The following DPH5 variants were observed in gnomAD, a reference collection of about 807,000 sequenced individuals.
DPH5 encodes the protein diphthamide biosynthesis 5.
A neutral mutation model predicts 31.6 loss-of-function variants in DPH5; 31 were observed. The observed-to-expected ratio is 0.98, with a 90% confidence interval of 0.74 to 1.32. The LOEUF (loss-of-function observed/expected upper bound fraction) is 1.32, where lower values mean the gene tolerates loss of function less well. Among genes scored for constraint, DPH5 ranks in the 40% most tolerant of loss-of-function variants. DPH5 has a pLI of 0.00. For synonymous variants in DPH5, 120 were observed against 115.0 expected, an observed-to-expected ratio of 1.04 and a Z score of -0.28; for missense variants, 309 against 335.7, an observed-to-expected ratio of 0.92 and a Z score of 0.62.
intron 2 of DPH5, among the ~76,000 whole-genome samples, chr1:101,024,578 ATC>A (rs1334296722): frequency 2.0e-5 from 3 of 152,230 alleles, no homozygotes; most frequent in Admixed American, 2.0e-4. Flanking sequence ...ATGACAATAA[ATC>A]TGCTCCCTCC....
At chr1:101,009,885 C>G (rs1415934356) in intron 4 of DPH5, among the ~76,000 whole-genome samples, 1 of 152,172 alleles carries the variant, frequency 6.6e-6, no homozygotes, top group African/African-American at 2.4e-5. Flanking sequence ...CTTTAACAAG[C>G]CAAGCTCATT....
At chr1:101,012,481 A>G (rs1476067659) in intron 4 of DPH5, among the ~76,000 whole-genome samples, 2 of 152,240 alleles carry the variant, frequency 1.3e-5, no homozygotes, top group East Asian at 1.9e-4. Context: ...AGCTCCATCT[A>G]CCTACCTGAA....
intron 4 of DPH5, among the ~76,000 whole-genome samples, chr1:101,010,673 T>C (rs1459473455): frequency 6.6e-6 from 1 of 152,214 alleles, no homozygotes; most frequent in Non-Finnish European, 1.5e-5. Context: ...GAAAGCTCTT[T>C]CATGGAGATG....
chr1:100,997,367 CT>C (rs35363129), intron 5 of DPH5, among the ~76,000 whole-genome samples: 14 of 149,146 alleles, frequency 9.4e-5, no homozygotes, highest in African/African-American at 1.7e-4. Context: ...TCCTTCCTAT[CT>C]TTTTTTTTTG....
rs141499602 is a variant in DPH5 at position 101,004,708 on chromosome 1, A to G, written c.370-3121T>C. Among the ~76,000 whole-genome samples, 369 of 152,318 alleles carry G rather than the reference A, an allele frequency of 2.4e-3. 3 individuals carry two copies. The highest frequency in any genetic ancestry group is 3.8e-3 in the Non-Finnish European group (261 of 68,016). ...ATATGCTATAGACTCTAAGCATTAT[A>G]AGGATTCAGCATTTCCCCCACTAAG... On this transcript the variant is annotated intron_variant, in intron 4 of 7. Coordinates refer to ENST00000370109, the MANE Select transcript of DPH5 (RefSeq NM_015958.3).
intron 3 of DPH5, among the ~76,000 whole-genome samples, chr1:101,019,744 C>T (rs1277690284): frequency 1.3e-5 from 2 of 151,096 alleles, no homozygotes; most frequent in African/African-American, 4.9e-5. Flanking sequence ...AACTGCAGTA[C>T]AGTAAATATT....
At chr1:101,020,031 G>C (rs1171622179) in intron 3 of DPH5, among the ~76,000 whole-genome samples, 2 of 152,164 alleles carry the variant, frequency 1.3e-5, no homozygotes, top group Non-Finnish European at 2.9e-5. Context: ...TTAGCATAGC[G>C]GTTAAAGAGT....
chr1:100,993,655 T>C (rs1252112782), intron 6 of DPH5, among the ~76,000 whole-genome samples: 3 of 141,380 alleles, frequency 2.1e-5, no homozygotes, highest in Non-Finnish European at 4.6e-5. Context: ...CTCAAAAAAA[T>C]TCTGTCAGTG....
chr1:101,009,186 A>G (rs1420739739), intron 4 of DPH5, among the ~76,000 whole-genome samples: 1 of 152,244 alleles, frequency 6.6e-6, no homozygotes, highest in African/African-American at 2.4e-5. Flanking sequence ...GGAGTAAGAT[A>G]AACCTAATCA....
At chr1:101,002,916 G>C (rs1295027670) in intron 4 of DPH5, among the ~76,000 whole-genome samples, 1 of 152,050 alleles carries the variant, frequency 6.6e-6, no homozygotes, top group Non-Finnish European at 1.5e-5. Context: ...GCAGCTCAAC[G>C]TTTCTCAGTT....
chr1:101,017,675 GA>G (rs1272312354), intron 3 of DPH5, among the ~76,000 whole-genome samples: 9 of 152,152 alleles, frequency 5.9e-5, no homozygotes, highest in African/African-American at 2.2e-4. Flanking sequence ...TACCAAGTAG[GA>G]AGATAAAGGG....
intron 4 of DPH5, among the ~76,000 whole-genome samples, chr1:101,004,170 C>A (rs1659062072): frequency 6.6e-6 from 1 of 152,188 alleles, no homozygotes; most frequent in Admixed American, 6.5e-5. Flanking sequence ...GATTTATAAA[C>A]TGTAACCACT....
intron 3 of DPH5, among the ~76,000 whole-genome samples, chr1:101,017,311 T>C (rs936428606): frequency 7.2e-5 from 11 of 152,252 alleles, no homozygotes; most frequent in African/African-American, 2.4e-4. Flanking sequence ...TCCTATCTCC[T>C]ATAATATTGG....
intron 4 of DPH5, among the ~76,000 whole-genome samples, chr1:101,006,859 A>C (rs1659266981): frequency 6.6e-6 from 1 of 152,228 alleles, no homozygotes; most frequent in Admixed American, 6.5e-5. Flanking sequence ...ATGCAATAGC[A>C]AGAGAAAGTG....
chr1:100,991,787 T>TAAAAAAAAAAAA (rs1657746510), intron 7 of DPH5, among the ~76,000 whole-genome samples: 1 of 74,568 alleles, frequency 1.3e-5, no homozygotes, highest in African/African-American at 6.3e-5. Context: ...AGACCCCATC[T>TAAAAAAAAAAAA]CAAAAAAAAA....
intron 4 of DPH5, among the ~76,000 whole-genome samples, chr1:101,007,669 C>G (rs1382469631): frequency 1.3e-5 from 2 of 151,396 alleles, no homozygotes; most frequent in Non-Finnish European, 2.9e-5. Context: ...GAGCTGAGAT[C>G]GCGCCATTGC....
intron 4 of DPH5, 24 bp downstream of exon 4, chr1:101,013,686 G>A: frequency 1.4e-6 from 2 of 1,459,756 alleles, no homozygotes; most frequent in African/African-American, 1.4e-5. Flanking sequence ...TAATTCCACT[G>A]AAAAACCTCC....
intron 6 of DPH5, 70 bp from the exon 7 acceptor site, chr1:100,992,810 G>A (rs1657892181): frequency 9.5e-7 from 1 of 1,051,820 alleles, no homozygotes; most frequent in East Asian, 2.4e-5. Context: ...AATGCAATTA[G>A]CTCTCCCAGG....
intron 3 of DPH5, among the ~76,000 whole-genome samples, chr1:101,015,875 CT>C (rs1660038500): frequency 1.3e-5 from 2 of 152,198 alleles, no homozygotes; most frequent in Non-Finnish European, 2.9e-5. Flanking sequence ...TTCCTCACCC[CT>C]GTCAGCCTTC....
Sources: gnomAD v4.1 joint callset for allele counts (sites outside exome capture counted in the v4.1 genomes callset) on GRCh38, gnomAD v4.1.1 for gene constraint, MANE v1.5 for transcripts, NCBI Gene and HGNC (gene_info 2026-07-23, HGNC 2026-07-21) for gene names.